The following FSTL4 variants were observed in gnomAD, a reference collection of about 807,000 sequenced individuals.
The protein encoded by FSTL4 is follistatin-related protein 4.
FSTL4 carries 28 observed loss-of-function variants against 78.2 expected under a neutral mutation model. That is an observed-to-expected ratio of 0.36 (90% confidence interval 0.27 to 0.49). The LOEUF is 0.49. Ranked by LOEUF, FSTL4 falls within the 20% of genes least tolerant of loss-of-function variation. FSTL4 has a pLI of 0.98. For missense variants in FSTL4, 922 were observed against 1,084.9 expected, an observed-to-expected ratio of 0.85 and a Z score of 2.11; for synonymous variants, 422 against 440.5, an observed-to-expected ratio of 0.96 and a Z score of 0.53.
At chr5:133,613,953 G>A (rs1761157215), upstream of FSTL4, among the ~76,000 whole-genome samples, 1 of 152,226 alleles carries the variant, frequency 6.6e-6, no homozygotes, top group South Asian at 2.1e-4. Flanking sequence ...GGCTGGCTAG[G>A]GGCCAGATTC....
chr5:133,216,343 T>A (rs867241712), intron 13 of FSTL4, among the ~76,000 whole-genome samples: 1 of 151,942 alleles, frequency 6.6e-6, no homozygotes, highest in Non-Finnish European at 1.5e-5. Context: ...CAGGCTGGAG[T>A]GCAGTGGTGT....
chr5:133,330,175 A>G (rs1346713209), intron 4 of FSTL4, among the ~76,000 whole-genome samples: 1 of 152,164 alleles, frequency 6.6e-6, no homozygotes, highest in Non-Finnish European at 1.5e-5. Flanking sequence ...ATATTTACAT[A>G]CTGAAAGGTT....
At chr5:133,220,638 A>T (rs1751062485) in intron 12 of FSTL4, 110 bp downstream of exon 12, 1 of 734,072 alleles carries the variant, frequency 1.4e-6, no homozygotes, top group African/African-American at 1.7e-5. Flanking sequence ...GAACCACACC[A>T]CATATAGCAA....
intron 3 of FSTL4, among the ~76,000 whole-genome samples, chr5:133,566,459 C>T (rs1760028440): frequency 6.6e-6 from 1 of 152,086 alleles, no homozygotes; most frequent in African/African-American, 2.4e-5. Flanking sequence ...ACATTCTAGA[C>T]CAGGAACTCA....
the FSTL4 span, among the ~76,000 whole-genome samples, chr5:133,698,193 G>A: frequency 2.0e-5 from 3 of 150,744 alleles, no homozygotes; most frequent in South Asian, 2.1e-4. Flanking sequence ...TGCTCGCGTC[G>A]AAAAATCATT....
At position 133,396,393 on chromosome 5, in the gene FSTL4, C is replaced by T. The variant is rs750825574; in HGVS notation, c.409+4345G>A. On this transcript the variant is annotated intron_variant, in intron 4 of 15. Transcript: ENST00000265342. ...CGTGCCAAAGCAGTGCCCTTGAGCA[C>T]GTGCCACATTGTCCCATCAGCCTGG... 3.9e-5 allele frequency among the ~76,000 whole-genome samples: 6 copies of T among 152,336 alleles called. No individual in the cohort carries two copies. The South Asian group carries it at 6.2e-4, about 16-fold the overall frequency.
At chr5:133,450,863 G>C (rs1265795839) in intron 3 of FSTL4, among the ~76,000 whole-genome samples, 1 of 152,170 alleles carries the variant, frequency 6.6e-6, no homozygotes, top group Non-Finnish European at 1.5e-5. Flanking sequence ...ACCAATGGGG[G>C]AGAGCCAGGT....
chr5:133,630,832 C>T, the FSTL4 span, among the ~76,000 whole-genome samples: 14 of 152,142 alleles, frequency 9.2e-5, 1 homozygote, highest in African/African-American at 3.4e-4. Flanking sequence ...GGAAATAATG[C>T]CACATATCTA....
At chr5:133,525,306 T>G (rs1759070728) in intron 3 of FSTL4, among the ~76,000 whole-genome samples, 1 of 152,222 alleles carries the variant, frequency 6.6e-6, no homozygotes. Context: ...ACTGCCCAAG[T>G]CCATGTCTGG....
At chr5:133,350,074 C>A (rs1187216190) in intron 4 of FSTL4, among the ~76,000 whole-genome samples, 1 of 92,548 alleles carries the variant, frequency 1.1e-5, no homozygotes, top group Non-Finnish European at 2.1e-5. Context: ...TGCTGCCATG[C>A]GACTGTAAAG....
At chr5:133,581,058 G>C (rs1375211655) in intron 2 of FSTL4, among the ~76,000 whole-genome samples, 1 of 152,038 alleles carries the variant, frequency 6.6e-6, no homozygotes, top group Admixed American at 6.6e-5. Flanking sequence ...TGTACAGGGA[G>C]GTAAATCCCC....
At chr5:133,732,952 T>A in the FSTL4 span, among the ~76,000 whole-genome samples, 1 of 152,240 alleles carries the variant, frequency 6.6e-6, no homozygotes, top group Non-Finnish European at 1.5e-5. Context: ...AGACCCCTCA[T>A]GCCACACATG....
chr5:133,393,571 T>C (rs1580675380), intron 4 of FSTL4, among the ~76,000 whole-genome samples: 1 of 152,086 alleles, frequency 6.6e-6, no homozygotes, highest in South Asian at 2.1e-4. Flanking sequence ...TGGACAGAAA[T>C]GTGGGTAGGC....
Position 133,233,364 on chromosome 5 carries a change from CA to C in FSTL4, c.1015+52del, listed in dbSNP as rs1342828331. On this transcript the variant is annotated intron_variant, in intron 8 of 15. Transcript: ENST00000265342. ...AGGAGGGGGCGAGGGTTGATCTGAG[CA>C]GCAGTTTGGGGAGGCTATGAGGGGA... 1.1e-5 allele frequency: 17 copies of C among 1,604,122 alleles called. No individual in the cohort carries two copies. The East Asian group carries it at 3.8e-4, about 36-fold the overall frequency.
At chr5:133,530,710 C>T (rs947170497) in intron 3 of FSTL4, among the ~76,000 whole-genome samples, 5 of 152,134 alleles carry the variant, frequency 3.3e-5, no homozygotes, top group Non-Finnish European at 7.4e-5. Flanking sequence ...GGCCAGGGAC[C>T]CTGCCCCGAC....
intron 4 of FSTL4, among the ~76,000 whole-genome samples, chr5:133,400,091 C>T (rs1023481168): frequency 5.3e-5 from 8 of 152,202 alleles, no homozygotes; most frequent in African/African-American, 1.4e-4. Flanking sequence ...ATAGCCGCTG[C>T]CCTAATGGTT....
chr5:133,750,437 T>G, the FSTL4 span, among the ~76,000 whole-genome samples: 1 of 152,124 alleles, frequency 6.6e-6, no homozygotes. Context: ...ATGTTCTGAC[T>G]CCCAGCTTCC....
At chr5:133,261,628 G>A (rs955084812) in intron 6 of FSTL4, among the ~76,000 whole-genome samples, 6 of 152,084 alleles carry the variant, frequency 3.9e-5, no homozygotes, top group Admixed American at 2.6e-4. Context: ...AGGCTGAGGT[G>A]GGTGGATCAT....
chr5:133,639,597 G>T, the FSTL4 span, among the ~76,000 whole-genome samples: 1 of 152,168 alleles, frequency 6.6e-6, no homozygotes, highest in South Asian at 2.1e-4. Flanking sequence ...TCCAGGCAGG[G>T]CAGAATCCCC....
Sources: gnomAD v4.1 joint callset for allele counts (sites outside exome capture counted in the v4.1 genomes callset) on GRCh38, gnomAD v4.1.1 for gene constraint, MANE v1.5 for transcripts, NCBI Gene and HGNC (gene_info 2026-07-23, HGNC 2026-07-21) for gene names.